The following AFDN variants were observed in gnomAD, a reference collection of about 807,000 sequenced individuals.
AFDN encodes the protein afadin, adherens junction formation factor.
A neutral mutation model predicts 216.6 loss-of-function variants in AFDN; 68 were observed. The observed-to-expected ratio is 0.31, with a 90% confidence interval of 0.26 to 0.38. The LOEUF (loss-of-function observed/expected upper bound fraction) is 0.38, where lower values mean the gene tolerates loss of function less well. AFDN is among the 10% of genes least tolerant of loss of function. The pLI, the probability that AFDN is intolerant of heterozygous loss-of-function variation, is 1.00. For missense variants in AFDN, 2,136 were observed against 2,342.0 expected, an observed-to-expected ratio of 0.91 and a Z score of 1.82; for synonymous variants, 868 against 853.7, an observed-to-expected ratio of 1.02 and a Z score of -0.29.
intron 27 of AFDN, 73 bp downstream of exon 27, chr6:167,946,974 G>A: frequency 7.5e-7 from 1 of 1,327,586 alleles, no homozygotes; most frequent in Admixed American, 2.4e-5. Flanking sequence ...GCACTTTGTG[G>A]TTTGTTAATT....
intron 5 of AFDN, among the ~76,000 whole-genome samples, chr6:167,876,784 C>T (rs1172740769): frequency 2.0e-5 from 3 of 149,842 alleles, no homozygotes; most frequent in Admixed American, 6.6e-5. Flanking sequence ...TTTTTTTTTA[C>T]GATAAAATAG....
intron 1 of AFDN, among the ~76,000 whole-genome samples, chr6:167,862,259 C>T (rs948853292): frequency 1.3e-5 from 2 of 152,098 alleles, no homozygotes; most frequent in South Asian, 2.1e-4. Flanking sequence ...GTGCGTAGGA[C>T]GTGGTCAGCA....
chr6:167,875,107 CTT>C (rs1470914338), intron 4 of AFDN, among the ~76,000 whole-genome samples: 1 of 152,058 alleles, frequency 6.6e-6, no homozygotes, highest in Non-Finnish European at 1.5e-5. Flanking sequence ...TTAATGTAAA[CTT>C]TTAATGATAG....
chr6:167,969,186 A>G lies in AFDN; in HGVS notation c.5330A>G (p.Lys1777Arg). 4.3e-6 allele frequency: 7 copies of G among 1,613,696 alleles called. No individual in the cohort carries two copies. Among genetic ancestry groups the G allele is most frequent in the Non-Finnish European group, 5.9e-6 (7 of 1,179,624 alleles). Reference sequence around the variant, plus strand: ...GACGCCTGTCGGGATGCAAAAGAGAAGCGCTCTAAAAGGTATGGACGGTTG... The same window carrying G: ...GACGCCTGTCGGGATGCAAAAGAGAGGCGCTCTAAAAGGTATGGACGGTTG... ...AHDACRDAKE[K>R]RSKSQDADSP... is the part of the protein sequence containing the mutation. Residue 1777 changes from lysine (K) to arginine (R), a missense_variant, in exon 33 of 34, where the codon AAG becomes AGG. By Grantham distance (26) the Lys-to-Arg change is conservative. Coordinates refer to ENST00000683244, the MANE Select transcript of AFDN (RefSeq NM_001386888.1).
At chr6:167,919,025 G>A (rs1342390453) in intron 21 of AFDN, 92 bp downstream of exon 21, 4 of 1,089,998 alleles carry the variant, frequency 3.7e-6, no homozygotes, top group Non-Finnish European at 5.4e-6. Flanking sequence ...GTCCACTTGT[G>A]TGGGAGTGCA....
At chr6:167,863,698 G>A (rs1029077676) in intron 1 of AFDN, 8 of 477,522 alleles carry the variant, frequency 1.7e-5, no homozygotes, top group South Asian at 3.1e-5. Context: ...GGAAATAATG[G>A]GAAAGGACAT....
At chr6:167,956,485 C>T (rs1157677659) in intron 30 of AFDN, among the ~76,000 whole-genome samples, 1 of 152,182 alleles carries the variant, frequency 6.6e-6, no homozygotes, top group Non-Finnish European at 1.5e-5. Context: ...CACTTCCGAC[C>T]TGAGACGGTA....
At chr6:167,953,447 A>G (rs1796205612) in intron 30 of AFDN, among the ~76,000 whole-genome samples, 1 of 152,232 alleles carries the variant, frequency 6.6e-6, no homozygotes, top group African/African-American at 2.4e-5. Context: ...GTGTGTATAT[A>G]TAAAACTTTG....
At chr6:167,908,077 A>G (rs964735978) in intron 13 of AFDN, among the ~76,000 whole-genome samples, 1 of 152,236 alleles carries the variant, frequency 6.6e-6, no homozygotes, top group Non-Finnish European at 1.5e-5. Context: ...TGGCATTCTC[A>G]TTATCAGCAG....
chr6:167,933,823 A>G (rs1793627964), intron 23 of AFDN, among the ~76,000 whole-genome samples: 1 of 152,250 alleles, frequency 6.6e-6, no homozygotes, highest in African/African-American at 2.4e-5. Context: ...TTGATCCTCT[A>G]AAGAGCCATC....
At chr6:167,858,290 T>C (rs535563277) in intron 1 of AFDN, among the ~76,000 whole-genome samples, 5 of 152,318 alleles carry the variant, frequency 3.3e-5, no homozygotes, top group African/African-American at 9.6e-5. Context: ...TTGGCAGTTA[T>C]AACTGGGGCA....
chr6:167,848,578 G>A (rs1781955891), intron 1 of AFDN, among the ~76,000 whole-genome samples: 1 of 152,100 alleles, frequency 6.6e-6, no homozygotes, highest in South Asian at 2.1e-4. Flanking sequence ...CTGTACTGAT[G>A]TAAAATTTTT....
intron 1 of AFDN, among the ~76,000 whole-genome samples, chr6:167,828,753 T>G (rs1283106955): frequency 6.9e-6 from 1 of 145,440 alleles, no homozygotes; most frequent in African/African-American, 2.5e-5. Flanking sequence ...GGTGTGTAGC[T>G]TTTTTTTTTT....
chr6:167,849,372 ACT>A (rs1782049271), intron 1 of AFDN, among the ~76,000 whole-genome samples: 1 of 151,692 alleles, frequency 6.6e-6, no homozygotes, highest in Non-Finnish European at 1.5e-5. Flanking sequence ...TTCTAGGTTG[ACT>A]CTGCATTCTT....
chr6:167,888,939 C>T (rs1397150877), intron 6 of AFDN, among the ~76,000 whole-genome samples: 1 of 151,692 alleles, frequency 6.6e-6, no homozygotes, highest in African/African-American at 2.4e-5. Context: ...TACTGCCTTT[C>T]CATATAAAAA....
intron 1 of AFDN, among the ~76,000 whole-genome samples, chr6:167,856,367 T>C (rs112173457): frequency 6.6e-6 from 1 of 150,588 alleles, no homozygotes; most frequent in South Asian, 2.1e-4. Flanking sequence ...AGACGTCCAG[T>C]GGGGTGGGGG....
intron 1 of AFDN, among the ~76,000 whole-genome samples, chr6:167,857,932 T>C (rs1368000995): frequency 6.6e-6 from 1 of 152,186 alleles, no homozygotes. Context: ...ACGAATATAG[T>C]ATTTAAAGAT....
intron 31 of AFDN, chr6:167,963,382 T>C: frequency 9.5e-7 from 1 of 1,057,566 alleles, no homozygotes. Context: ...TCTATGAAGG[T>C]AGAAGCTTTC....
chr6:167,834,650 T>C, intron 1 of AFDN, among the ~76,000 whole-genome samples: 1 of 151,936 alleles, frequency 6.6e-6, no homozygotes, highest in Admixed American at 6.6e-5. Context: ...CTTACTTTAT[T>C]TTCATTTCTG....
Sources: allele counts gnomAD v4.1 joint callset (sites outside exome capture counted in the v4.1 genomes callset), GRCh38; gene constraint gnomAD v4.1.1; transcripts MANE v1.5; gene names NCBI Gene and HGNC (gene_info 2026-07-23, HGNC 2026-07-21).